RBFOX1: variants seen among roughly 807,000 people sequenced by gnomAD.
RBFOX1 encodes RNA binding fox-1 homolog 1.
A neutral mutation model predicts 57.7 loss-of-function variants in RBFOX1; 8 were observed. That is an observed-to-expected ratio of 0.14 (90% CI 0.08 to 0.25). The LOEUF is 0.25. Ranked by LOEUF, RBFOX1 falls within the 10% of genes least tolerant of loss-of-function variation. The probability of loss-of-function intolerance (pLI) is 1.00; values close to 1 mark genes in which losing one functional copy is unlikely to be tolerated. For missense variants in RBFOX1, 611 were observed against 548.5 expected, an observed-to-expected ratio of 1.11 and a Z score of -1.14; for synonymous variants, 326 against 222.4, an observed-to-expected ratio of 1.47 and a Z score of -4.15.
intron 3 of RBFOX1, among the ~76,000 whole-genome samples, chr16:5,627,761 T>C (rs912273629): frequency 2.0e-5 from 3 of 152,174 alleles, no homozygotes; most frequent in African/African-American, 7.2e-5. Flanking sequence ...AGCATTTACA[T>C]TGTATTGAAT....
chr16:7,119,464 T>C (rs1301401459), intron 4 of RBFOX1, among the ~76,000 whole-genome samples: 1 of 152,004 alleles, frequency 6.6e-6, no homozygotes, highest in Non-Finnish European at 1.5e-5. Flanking sequence ...CCACTGACAA[T>C]TCAAAAATCC....
chr16:7,349,140 C>T (rs560027006), intron 4 of RBFOX1, among the ~76,000 whole-genome samples: 1 of 152,184 alleles, frequency 6.6e-6, no homozygotes, highest in Admixed American at 6.5e-5. Context: ...AACACAAAAC[C>T]ATCTCCTAGA....
intron 3 of RBFOX1, among the ~76,000 whole-genome samples, chr16:7,027,342 GC>G (rs1269360806): frequency 6.6e-6 from 1 of 152,096 alleles, no homozygotes; most frequent in Non-Finnish European, 1.5e-5. Flanking sequence ...TTGTCTCTGT[GC>G]CAGGAACTGC....
intron 1 of RBFOX1, among the ~76,000 whole-genome samples, chr16:6,234,082 C>CT (rs1201874427): frequency 2.0e-5 from 3 of 152,150 alleles, no homozygotes; most frequent in Admixed American, 6.5e-5. Context: ...TGTAAAGCTT[C>CT]TTTTATAAGA....
chr16:7,500,116 T>A (rs6416820), intron 4 of RBFOX1, among the ~76,000 whole-genome samples: 1 of 152,020 alleles, frequency 6.6e-6, no homozygotes, highest in Admixed American at 6.6e-5. Context: ...GATCACACAT[T>A]CTTAGCTACG....
rs553891717 is a variant in RBFOX1, at chr16:5,873,022, G to A, written c.351+5687G>A. 6.4e-4 allele frequency among the ~76,000 whole-genome samples: 97 copies of A among 151,872 alleles called. No individual in the cohort carries two copies. In the Middle Eastern group the frequency reaches 0.01, roughly 16 times the overall value. ...AAAAATTAGCTGGGTGTGGTGGCAC[G>A]CACCTGTAGTCCTAGCTACTTGGGA... On this transcript the variant is annotated intron_variant, in intron 4 of 19. Coordinates refer to the RBFOX1 transcript ENST00000641259.
intron 2 of RBFOX1, among the ~76,000 whole-genome samples, chr16:6,618,345 G>A (rs957200693): frequency 6.6e-6 from 1 of 152,156 alleles, no homozygotes; most frequent in African/African-American, 2.4e-5. Context: ...CAAGCCCTTA[G>A]CATATATAAA....
chr16:7,206,969 C>G (rs2090117604), intron 4 of RBFOX1, among the ~76,000 whole-genome samples: 1 of 152,168 alleles, frequency 6.6e-6, no homozygotes, highest in African/African-American at 2.4e-5. Context: ...GTGCACAGAG[C>G]TTCATGGCCT....
chr16:6,295,771 A>G (rs1159294005), intron 1 of RBFOX1, among the ~76,000 whole-genome samples: 1 of 152,134 alleles, frequency 6.6e-6, no homozygotes, highest in East Asian at 1.9e-4. Context: ...TCAGGAGGAA[A>G]ACGTGCAGAG....
chr16:5,766,833 C>T (rs2053798932), intron 3 of RBFOX1, among the ~76,000 whole-genome samples: 1 of 152,214 alleles, frequency 6.6e-6, no homozygotes, highest in Non-Finnish European at 1.5e-5. Context: ...TATCCCTCCC[C>T]ACCAAATCCC....
chr16:5,774,613 C>T (rs1437955968), intron 3 of RBFOX1, among the ~76,000 whole-genome samples: 1 of 152,184 alleles, frequency 6.6e-6, no homozygotes, highest in Non-Finnish European at 1.5e-5. Context: ...TAAACATTTA[C>T]ATGGTGTCTA....
intron 4 of RBFOX1, among the ~76,000 whole-genome samples, chr16:7,397,064 G>C (rs1404015631): frequency 6.6e-6 from 1 of 152,192 alleles, no homozygotes; most frequent in African/African-American, 2.4e-5. Flanking sequence ...CTTGCTTAAA[G>C]AAAACTTAGC....
chr16:5,973,327 A>ACATGAAC (rs1019048115), intron 4 of RBFOX1, among the ~76,000 whole-genome samples: 7 of 152,330 alleles, frequency 4.6e-5, no homozygotes, highest in Admixed American at 3.9e-4. Context: ...TCTATATCAC[A>ACATGAAC]CATGAACTCT....
intron 3 of RBFOX1, among the ~76,000 whole-genome samples, chr16:5,683,217 G>C (rs937107278): frequency 6.6e-6 from 1 of 152,082 alleles, no homozygotes; most frequent in Non-Finnish European, 1.5e-5. Flanking sequence ...CAAAGCTGTG[G>C]CACTTGGGAA....
chr16:5,641,026 A>G (rs956183361), intron 3 of RBFOX1, among the ~76,000 whole-genome samples: 6 of 151,458 alleles, frequency 4.0e-5, no homozygotes, highest in Non-Finnish European at 7.4e-5. Flanking sequence ...CACACCATGC[A>G]TAAACACCCA....
chr16:7,660,830 C>T (rs1363203538), intron 12 of RBFOX1, among the ~76,000 whole-genome samples: 33 of 152,220 alleles, frequency 2.2e-4, no homozygotes, highest in Non-Finnish European at 1.3e-4. Context: ...TTCTGCTACA[C>T]ATTCAAGTTT....
intron 14 of RBFOX1, among the ~76,000 whole-genome samples, chr16:7,684,132 T>G (rs2146950089): frequency 6.6e-6 from 1 of 152,250 alleles, no homozygotes; most frequent in South Asian, 2.1e-4. Context: ...CCAGAAGAAC[T>G]GATTTCTATT....
chr16:7,627,323 A>G (rs2060234676), intron 10 of RBFOX1, among the ~76,000 whole-genome samples: 1 of 152,188 alleles, frequency 6.6e-6, no homozygotes, highest in Non-Finnish European at 1.5e-5. Context: ...AATGATTGTG[A>G]GGATTCCAGG....
chr16:6,066,280 C>A, intron 1 of RBFOX1, among the ~76,000 whole-genome samples: 4 of 92,980 alleles, frequency 4.3e-5, no homozygotes, highest in Admixed American at 1.7e-4. Flanking sequence ...GACTACAGAG[C>A]AAGACTCTGT....
Sources: gnomAD v4.1 joint callset for allele counts (sites outside exome capture counted in the v4.1 genomes callset) on GRCh38, gnomAD v4.1.1 for gene constraint, MANE v1.5 for transcripts, NCBI Gene and HGNC (gene_info 2026-07-23, HGNC 2026-07-21) for gene names.